The following SPAG16 variants were observed in gnomAD, a reference collection of about 807,000 sequenced individuals.
SPAG16 encodes the protein sperm associated antigen 16, also known as sperm-associated antigen 16 protein.
SPAG16 carries 86 observed loss-of-function variants against 80.4 expected under a neutral mutation model. The ratio of observed to expected loss-of-function variants is 1.07; its 90% CI spans 0.90 to 1.28. SPAG16 has a LOEUF of 1.28. Ranked by LOEUF, SPAG16 falls within the 50% of genes most tolerant of loss-of-function variation. SPAG16 has a pLI of 0.00. For missense variants in SPAG16, 870 were observed against 765.3 expected, an observed-to-expected ratio of 1.14 and a Z score of -1.61; for synonymous variants, 294 against 265.9, an observed-to-expected ratio of 1.11 and a Z score of -1.03.
chr2:214,222,836 CAAAT>C (rs2058613182), intron 15 of SPAG16, among the ~76,000 whole-genome samples: 1 of 152,074 alleles, frequency 6.6e-6, no homozygotes, highest in South Asian at 2.1e-4. Flanking sequence ...TGCCTCATAC[CAAAT>C]AAATAGTAAT....
At chr2:213,516,584 G>T in intron 10 of SPAG16, among the ~76,000 whole-genome samples, 1 of 151,834 alleles carries the variant, frequency 6.6e-6, no homozygotes, top group East Asian at 1.9e-4. Context: ...ATTGATATGT[G>T]CCAGGCACTA....
chr2:213,960,838 G>A (rs959273335), intron 12 of SPAG16, among the ~76,000 whole-genome samples: 2 of 152,102 alleles, frequency 1.3e-5, no homozygotes, highest in Admixed American at 6.5e-5. Context: ...GTGGGGGAGC[G>A]CTTGCAATAA....
chr2:213,615,998 A>T (rs2061582263), intron 10 of SPAG16, among the ~76,000 whole-genome samples: 1 of 152,206 alleles, frequency 6.6e-6, no homozygotes, highest in East Asian at 1.9e-4. Context: ...ACCATGGCAC[A>T]TGTATACCTA....
chr2:213,651,784 G>A (rs1314486895), intron 10 of SPAG16, among the ~76,000 whole-genome samples: 1 of 152,070 alleles, frequency 6.6e-6, no homozygotes, highest in African/African-American at 2.4e-5. Context: ...TATTGTTTGG[G>A]TATTGTGTGT....
At chr2:214,111,113 G>A (rs1413584914) in intron 14 of SPAG16, among the ~76,000 whole-genome samples, 1 of 152,070 alleles carries the variant, frequency 6.6e-6, no homozygotes, top group Non-Finnish European at 1.5e-5. Context: ...TTCTTTTGCT[G>A]TGCAGAAGCT....
At chr2:213,800,490 C>T (rs1039377634) in intron 10 of SPAG16, among the ~76,000 whole-genome samples, 42 of 152,018 alleles carry the variant, frequency 2.8e-4, no homozygotes, top group African/African-American at 9.9e-4. Context: ...CCTTAGCCTC[C>T]TTGAGTATCT....
chr2:214,230,188 T>C (rs1211071483), intron 15 of SPAG16, among the ~76,000 whole-genome samples: 1 of 151,990 alleles, frequency 6.6e-6, no homozygotes, highest in African/African-American at 2.4e-5. Flanking sequence ...TTAAATTATA[T>C]TGTTTGGCAT....
chr2:213,614,033 A>T (rs1381320117), intron 10 of SPAG16, among the ~76,000 whole-genome samples: 1 of 152,176 alleles, frequency 6.6e-6, no homozygotes, highest in East Asian at 1.9e-4. Flanking sequence ...TCCACTCTAA[A>T]ATCCCATCCT....
At chr2:213,931,192 G>T (rs1465810404) in intron 12 of SPAG16, among the ~76,000 whole-genome samples, 1 of 152,120 alleles carries the variant, frequency 6.6e-6, no homozygotes, top group African/African-American at 2.4e-5. Flanking sequence ...TGCAAGTTCC[G>T]TTTCCTGACA....
At chr2:214,297,625 T>C (rs1452571999) in intron 15 of SPAG16, among the ~76,000 whole-genome samples, 1 of 152,118 alleles carries the variant, frequency 6.6e-6, no homozygotes, top group Non-Finnish European at 1.5e-5. Flanking sequence ...TTTGCTGACA[T>C]TGGAAAATAT....
At chr2:214,390,408 A>G (rs888137985) in intron 15 of SPAG16, among the ~76,000 whole-genome samples, 1 of 151,282 alleles carries the variant, frequency 6.6e-6, no homozygotes, top group African/African-American at 2.4e-5. Context: ...TAATGATTTC[A>G]AATTCTCTCA....
intron 10 of SPAG16, among the ~76,000 whole-genome samples, chr2:213,819,765 T>G (rs1559494486): frequency 6.8e-6 from 1 of 147,586 alleles, no homozygotes; most frequent in Admixed American, 6.8e-5. Context: ...GGTTGGTTGG[T>G]TTTTTTTTTG....
intron 13 of SPAG16, among the ~76,000 whole-genome samples, chr2:214,060,616 A>T (rs575157401): frequency 2.0e-5 from 3 of 152,184 alleles, no homozygotes; most frequent in African/African-American, 7.2e-5. Flanking sequence ...ACAAAATGAC[A>T]TGTAAAGAGA....
chr2:213,430,434 G>A lies in SPAG16; in HGVS notation c.942+55315G>A, dbSNP rs149625515. Among the ~76,000 whole-genome samples, 464 of 152,242 alleles carry A rather than the reference G, an allele frequency of 3.0e-3. 1 individual carries two copies. Among genetic ancestry groups the A allele is most frequent in the African/African-American group, 9.3e-3 (388 of 41,546 alleles). On this transcript the variant is annotated intron_variant, in intron 9 of 15. Coordinates refer to ENST00000331683, the MANE Select transcript of SPAG16 (RefSeq NM_024532.5). The stretch of plus-strand genomic sequence containing the variant: ...TTTGAATGTGGCCCAACACAAATTC[G>A]TAAACTTTCTGAAAACATTATGAGA...
chr2:213,702,784 A>C (rs1423472237), intron 10 of SPAG16, among the ~76,000 whole-genome samples: 2 of 152,114 alleles, frequency 1.3e-5, no homozygotes, highest in South Asian at 4.1e-4. Flanking sequence ...TTCTTTGAAA[A>C]GGCCTATTTC....
At chr2:214,213,548 T>C (rs1286881174) in intron 15 of SPAG16, among the ~76,000 whole-genome samples, 2 of 152,152 alleles carry the variant, frequency 1.3e-5, no homozygotes, top group Non-Finnish European at 2.9e-5. Flanking sequence ...TTGTTGACAT[T>C]TTGAGTTTAA....
chr2:213,428,461 G>A (rs1433064077), intron 9 of SPAG16, among the ~76,000 whole-genome samples: 2 of 152,164 alleles, frequency 1.3e-5, no homozygotes, highest in Non-Finnish European at 2.9e-5. Context: ...AAAGCCAGGT[G>A]GGATTCTGTG....
At chr2:213,424,508 T>G (rs2069787732) in intron 9 of SPAG16, among the ~76,000 whole-genome samples, 1 of 152,204 alleles carries the variant, frequency 6.6e-6, no homozygotes, top group South Asian at 2.1e-4. Flanking sequence ...TGAGATCTTT[T>G]TATGGCTAAT....
intron 15 of SPAG16, among the ~76,000 whole-genome samples, chr2:214,291,322 T>TTTC (rs386392536): frequency 7.2e-6 from 1 of 139,832 alleles, no homozygotes; most frequent in African/African-American, 2.7e-5. Flanking sequence ...TTTTTTTTTT[T>TTTC]TGAGACGGAG....
Sources: allele counts gnomAD v4.1 joint callset (sites outside exome capture counted in the v4.1 genomes callset), GRCh38; gene constraint gnomAD v4.1.1; transcripts MANE v1.5; gene names NCBI Gene and HGNC (gene_info 2026-07-23, HGNC 2026-07-21).